The following KCNQ4 variants were observed in gnomAD, a reference collection of about 807,000 sequenced individuals.
KCNQ4 encodes potassium voltage-gated channel subfamily KQT member 4.
KCNQ4 carries 31 observed loss-of-function variants against 72.6 expected under a neutral mutation model. The observed-to-expected ratio is 0.43, with a 90% CI of 0.32 to 0.58. KCNQ4 has a LOEUF of 0.58. KCNQ4 is among the 20% of genes least tolerant of loss of function. The pLI is 0.08. For synonymous variants in KCNQ4, 405 were observed against 403.7 expected, an observed-to-expected ratio of 1.00 and a Z score of -0.04; for missense variants, 869 against 962.6, an observed-to-expected ratio of 0.90 and a Z score of 1.29.
chr1:40,796,324 C>T (rs1647409553), intron 1 of KCNQ4, among the ~76,000 whole-genome samples: 1 of 152,206 alleles, frequency 6.6e-6, no homozygotes, highest in Non-Finnish European at 1.5e-5. Context: ...ATAATACTAG[C>T]AGGACCTTAC....
At chr1:40,827,613 G>C (rs980612146) in intron 9 of KCNQ4, among the ~76,000 whole-genome samples, 3 of 152,192 alleles carry the variant, frequency 2.0e-5, no homozygotes, top group Admixed American at 1.3e-4. Context: ...TGCCTCTGGG[G>C]CCCTGTGGGC....
intron 1 of KCNQ4, among the ~76,000 whole-genome samples, chr1:40,816,442 C>G (rs1012860149): frequency 6.6e-6 from 1 of 152,172 alleles, no homozygotes; most frequent in Non-Finnish European, 1.5e-5. Context: ...AACCCTGGCT[C>G]TAATCTCAGC....
rs1241972570 is a variant in KCNQ4, at chr1:40,838,297, C to A, written c.1876-14C>A. 4 of 1,611,140 alleles carry A rather than the reference C, an allele frequency of 2.5e-6. No homozygotes were observed. Among genetic ancestry groups the A allele is most frequent in the Non-Finnish European group, 3.4e-6 (4 of 1,178,754 alleles). Reference sequence around the variant, plus strand: ...GGTCCCAGGCCCTGCTTCCCAGCTGCGCCCCGTCCCCAGGTGCAGTCCATC... The same window carrying A: ...GGTCCCAGGCCCTGCTTCCCAGCTGAGCCCCGTCCCCAGGTGCAGTCCATC... On this transcript the variant is annotated splice_polypyrimidine_tract_variant and intron_variant, in intron 13 of 13. Coordinates refer to ENST00000347132, the MANE Select transcript of KCNQ4 (RefSeq NM_004700.4).
In KCNQ4 at chr1:40,793,047, C is replaced by G. The variant is rs116736024; in HGVS notation, c.314+8640C>G. Reference sequence around the variant, plus strand: ...TTTGAAGCAGGGCCTCACTCTGTCACCCACGCTGGAGTGCATGATCACTAT... The same window carrying G: ...TTTGAAGCAGGGCCTCACTCTGTCAGCCACGCTGGAGTGCATGATCACTAT... On this transcript the variant is annotated intron_variant, in intron 1 of 13. Transcript: ENST00000347132. Among the ~76,000 whole-genome samples the G allele has an allele frequency of 4.4e-3, 626 of 142,568 alleles. 5 individuals carry two copies. The highest frequency in any genetic ancestry group is 0.016 in the African/African-American group (604 of 37,806). The allele number at this position is 142,568 out of a possible 152,430, so 93.5% of individuals were successfully genotyped here. A position where few individuals can be genotyped will look rare whatever the true frequency, so the allele number is the denominator to read the frequency against.
At chr1:40,796,763 A>G (rs1455904921) in intron 1 of KCNQ4, among the ~76,000 whole-genome samples, 2 of 152,064 alleles carry the variant, frequency 1.3e-5, no homozygotes, top group Non-Finnish European at 2.9e-5. Context: ...CTGAAAATAC[A>G]AAAAATTATC....
Position 40,819,340 on chromosome 1 carries a change from C to A in KCNQ4, c.709-7C>A, listed in dbSNP as rs766932769. The A allele has an allele frequency of 1.2e-6, 2 of 1,613,696 alleles. No individual in the cohort carries two copies. Among genetic ancestry groups the A allele is most frequent in the Admixed American group, 3.3e-5 (2 of 60,030 alleles). On this transcript the variant is annotated splice_region_variant and splice_polypyrimidine_tract_variant and intron_variant, in intron 4 of 13. Coordinates refer to ENST00000347132, the MANE Select transcript of KCNQ4 (RefSeq NM_004700.4). ...CTCCTCACCGCGCCCCTCCGCCTGCCCCGCAGGAGCTGATCACCGCCTGGT... is the reference window on the plus strand; with the variant it reads ...CTCCTCACCGCGCCCCTCCGCCTGCACCGCAGGAGCTGATCACCGCCTGGT...
chr1:40,798,935 G>C (rs1647492751), intron 1 of KCNQ4, among the ~76,000 whole-genome samples: 1 of 152,264 alleles, frequency 6.6e-6, no homozygotes, highest in Non-Finnish European at 1.5e-5. Flanking sequence ...GTGGGCACCT[G>C]CCAGCCCCTC....
intron 1 of KCNQ4, among the ~76,000 whole-genome samples, chr1:40,807,948 T>C (rs1647812798): frequency 7.0e-6 from 1 of 141,888 alleles, no homozygotes; most frequent in Admixed American, 7.0e-5. Context: ...CAAGACCTTG[T>C]CTCTACTAAA....
intron 1 of KCNQ4, among the ~76,000 whole-genome samples, chr1:40,808,054 C>CT (rs1386685501): frequency 6.7e-6 from 1 of 149,622 alleles, no homozygotes; most frequent in African/African-American, 2.6e-5. Flanking sequence ...CTGCAGTGAG[C>CT]TATGATTGCA....
chr1:40,819,732 G>A (rs1648226582), intron 5 of KCNQ4, 143 bp from the exon 6 acceptor site: 1 of 828,946 alleles, frequency 1.2e-6, no homozygotes, highest in African/African-American at 1.7e-5. Flanking sequence ...AGGAGAGGGA[G>A]AATCCATCTA....
At chr1:40,809,923 G>A (rs1055677676) in intron 1 of KCNQ4, among the ~76,000 whole-genome samples, 2 of 151,980 alleles carry the variant, frequency 1.3e-5, no homozygotes, top group African/African-American at 4.8e-5. Flanking sequence ...AACTTAGCCG[G>A]GCGTGGTGGT....
In KCNQ4 at chr1:40,784,694, C is replaced by T. The variant is rs901672848; in HGVS notation, c.314+287C>T. On this transcript the variant is annotated intron_variant, in intron 1 of 13. Coordinates refer to ENST00000347132, the MANE Select transcript of KCNQ4 (RefSeq NM_004700.4). This position sits in a 1 kb window ranked among gnomAD's most constrained non-coding sequence, Gnocchi z 4.1. ...TCTGCTCCTCTGTCCCAGGTACTCC[C>T]GACCGCCAGCTGCCTCCCCCAAGTC... Among the ~76,000 whole-genome samples, 1 of 152,228 alleles carries T rather than the reference C, an allele frequency of 6.6e-6. No individual in the cohort carries two copies. The highest frequency in any genetic ancestry group is 2.4e-5 in the African/African-American group (1 of 41,460).
intron 1 of KCNQ4, among the ~76,000 whole-genome samples, chr1:40,798,031 G>C (rs1203753102): frequency 6.6e-6 from 1 of 152,154 alleles, no homozygotes; most frequent in African/African-American, 2.4e-5. Context: ...CCAGATAATG[G>C]AGGGACACCC....
At chr1:40,835,304 T>C (rs1219206951) in intron 12 of KCNQ4, among the ~76,000 whole-genome samples, 1 of 152,224 alleles carries the variant, frequency 6.6e-6, no homozygotes, top group African/African-American at 2.4e-5. Flanking sequence ...AACCATAGTT[T>C]CTCTGTGAGG....
chr1:40,785,350 ACG>A (rs554931745), intron 1 of KCNQ4, among the ~76,000 whole-genome samples: 307 of 152,344 alleles, frequency 2.0e-3, no homozygotes, highest in Non-Finnish European at 3.6e-3. Flanking sequence ...GCTGGGCCTG[ACG>A]CTGGGACGCT....
intron 1 of KCNQ4, among the ~76,000 whole-genome samples, chr1:40,804,624 C>T (rs993560774): frequency 5.3e-5 from 8 of 150,998 alleles, no homozygotes; most frequent in African/African-American, 1.7e-4. Context: ...GAGACGAGCC[C>T]GGGCAACATG....
At chr1:40,818,934 C>A (rs965841737) in intron 4 of KCNQ4, 2 of 606,750 alleles carry the variant, frequency 3.3e-6, no homozygotes, top group Non-Finnish European at 6.0e-6. Context: ...TTGAGGGTTT[C>A]CCCTGGATGC....
chr1:40,799,589 C>T (rs1647519012), intron 1 of KCNQ4, among the ~76,000 whole-genome samples: 1 of 152,230 alleles, frequency 6.6e-6, no homozygotes, highest in South Asian at 2.1e-4. Flanking sequence ...GAGGGTCCAG[C>T]CCCCGGTCAT....
At chr1:40,832,578 TG>T (rs1648682372) in intron 10 of KCNQ4, among the ~76,000 whole-genome samples, 1 of 152,222 alleles carries the variant, frequency 6.6e-6, no homozygotes, top group African/African-American at 2.4e-5. Flanking sequence ...GAGCTGGGCC[TG>T]GGAGCCAGCC....
Sources: allele counts gnomAD v4.1 joint callset (sites outside exome capture counted in the v4.1 genomes callset), GRCh38; gene constraint gnomAD v4.1.1; non-coding constraint Gnocchi (gnomAD v3.1); transcripts MANE v1.5; gene names NCBI Gene and HGNC (gene_info 2026-07-23, HGNC 2026-07-21).